Variants in MIPOL1 observed in about 807,000 individuals in gnomAD.
The protein encoded by MIPOL1 is mirror-image polydactyly gene 1 protein.
In MIPOL1, 57 loss-of-function variants were observed where a neutral mutation model predicts 60.9. The observed-to-expected ratio is 0.94, with a 90% confidence interval of 0.76 to 1.17. The LOEUF is 1.17. Ranked by LOEUF, MIPOL1 falls within the 50% of genes most tolerant of loss-of-function variation. The pLI, the probability that MIPOL1 is intolerant of heterozygous loss-of-function variation, is 0.00. For missense variants in MIPOL1, 551 were observed against 511.6 expected (o/e 1.08, Z -0.74); for synonymous variants, 179 against 168.8 (o/e 1.06, Z -0.47).
chr14:37,302,217 C>G (rs994725656), intron 7 of MIPOL1, among the ~76,000 whole-genome samples: 1 of 147,076 alleles, frequency 6.8e-6, no homozygotes, highest in African/African-American at 2.5e-5. Flanking sequence ...AATCAGAGTT[C>G]CTGTTGCTGT....
intron 1 of MIPOL1, among the ~76,000 whole-genome samples, chr14:37,223,234 T>A (rs1183595755): frequency 6.6e-6 from 1 of 152,052 alleles, no homozygotes; most frequent in Non-Finnish European, 1.5e-5. Context: ...GGTTTTACCA[T>A]GTTGGCCGGG....
chr14:37,499,889 T>C lies in MIPOL1; in HGVS notation c.1032-19T>C. ...AGTTTACATTACTTATCTTTAAATT[T>C]TTTTTAATATTTTCTCAGTTTACAC... is the stretch of plus-strand genomic sequence containing the variant. On this transcript the variant is annotated intron_variant, in intron 11 of 12. Coordinates refer to ENST00000684589, the MANE Select transcript of MIPOL1 (RefSeq NM_001388067.1). The C allele has an allele frequency of 1.5e-6, 2 of 1,378,516 alleles. No individual in the cohort carries two copies. The highest frequency in any genetic ancestry group is 2.7e-5 in the South Asian group (2 of 74,506). 85.4% of individuals were successfully genotyped at this position (1,378,516 alleles called of 1,614,324 possible).
At chr14:37,211,896 G>A (rs776354719) in intron 1 of MIPOL1, among the ~76,000 whole-genome samples, 1 of 151,852 alleles carries the variant, frequency 6.6e-6, no homozygotes, top group Non-Finnish European at 1.5e-5. Context: ...AGCAGAATAG[G>A]GCACCAGTCA....
chr14:37,369,385 T>C, intron 9 of MIPOL1, 132 bp from the exon 10 acceptor site: 1 of 447,734 alleles, frequency 2.2e-6, no homozygotes, highest in South Asian at 3.9e-5. Context: ...TACTTTTACT[T>C]ACCATTCTTG....
intron 12 of MIPOL1, among the ~76,000 whole-genome samples, chr14:37,541,253 A>G (rs2095528520): frequency 6.6e-6 from 1 of 152,134 alleles, no homozygotes; most frequent in Non-Finnish European, 1.5e-5. Context: ...AAATCAAAAT[A>G]TCCAGTCCCT....
intron 12 of MIPOL1, chr14:37,507,797 G>C (rs1199940770): frequency 6.6e-6 from 1 of 152,000 alleles, no homozygotes; most frequent in Non-Finnish European, 1.5e-5. Context: ...AAAATTCACT[G>C]TCTCTTCCTT....
chr14:37,415,877 TA>T (rs1370678616), intron 10 of MIPOL1, among the ~76,000 whole-genome samples: 1 of 152,154 alleles, frequency 6.6e-6, no homozygotes, highest in East Asian at 1.9e-4. Context: ...GCACTTAGAA[TA>T]GTGTCTGGCA....
intron 7 of MIPOL1, among the ~76,000 whole-genome samples, chr14:37,303,712 A>G (rs1297250193): frequency 6.6e-6 from 1 of 151,862 alleles, no homozygotes; most frequent in Admixed American, 6.6e-5. Context: ...TCATTCAGTA[A>G]ATATTTATTG....
At chr14:37,487,491 A>G (rs1324418953) in intron 11 of MIPOL1, among the ~76,000 whole-genome samples, 1 of 152,120 alleles carries the variant, frequency 6.6e-6, no homozygotes, top group African/African-American at 2.4e-5. Flanking sequence ...TTGGTAGGCT[A>G]TTAATTACTG....
At position 37,213,838 on chromosome 14, in the gene MIPOL1, TAACATA is replaced by T. The variant is rs980112199; in HGVS notation, c.-199+15735_-199+15740del. Among the ~76,000 whole-genome samples the T allele has an allele frequency of 1.1e-4, 16 of 152,204 alleles. 1 individual carries two copies. Among genetic ancestry groups the T allele is most frequent in the Middle Eastern group, 3.4e-3 (1 of 294 alleles). On this transcript the variant is annotated intron_variant, in intron 1 of 12. Transcript: ENST00000684589. Reference sequence around the variant, plus strand: ...CCTAAAAGTATCAAGAGAATAGAAATAACATACAATGGTGCTTCGTTGTGGCTGGCA... The same window carrying T: ...CCTAAAAGTATCAAGAGAATAGAAATCAATGGTGCTTCGTTGTGGCTGGCA...
intron 12 of MIPOL1, among the ~76,000 whole-genome samples, chr14:37,518,464 A>C (rs1314828588): frequency 6.6e-6 from 1 of 152,122 alleles, no homozygotes; most frequent in Non-Finnish European, 1.5e-5. Flanking sequence ...CTTTCTGAGT[A>C]GCTGGGATAA....
chr14:37,521,911 T>TATA (rs1555367648), intron 12 of MIPOL1, among the ~76,000 whole-genome samples: 35,460 of 117,408 alleles, frequency 0.3, 4,810 homozygotes, highest in Non-Finnish European at 0.37. Context: ...TATATATATA[T>TATA]TTTTTTTTTC....
chr14:37,268,531 C>T, intron 4 of MIPOL1, 127 bp from the exon 5 acceptor site: 1 of 678,884 alleles, frequency 1.5e-6, no homozygotes, highest in Non-Finnish European at 2.4e-6. Flanking sequence ...AAAAACAGCC[C>T]ATCTCTTTTC....
chr14:37,451,197 T>C (rs2094411819), intron 11 of MIPOL1, among the ~76,000 whole-genome samples: 1 of 152,202 alleles, frequency 6.6e-6, no homozygotes, highest in East Asian at 1.9e-4. Flanking sequence ...TTAGCTACTT[T>C]GTACAAGTTA....
chr14:37,294,885 A>T (rs994547091), intron 7 of MIPOL1, among the ~76,000 whole-genome samples: 1 of 152,168 alleles, frequency 6.6e-6, no homozygotes, highest in Admixed American at 6.5e-5. Context: ...ACTCTGCAGG[A>T]TATCATCCAG....
Position 37,268,000 on chromosome 14 carries a change from A to T in MIPOL1, c.252-658A>T, listed in dbSNP as rs116291469. ...GCTCATGAAAGGATTTGAATTTGTGATACCTGATACTTCTACCCATGAGAT... is the reference window on the plus strand; with the variant it reads ...GCTCATGAAAGGATTTGAATTTGTGTTACCTGATACTTCTACCCATGAGAT... On this transcript the variant is annotated intron_variant, in intron 4 of 12. Transcript: ENST00000684589. Among the ~76,000 whole-genome samples the T allele has an allele frequency of 5.9e-3, 895 of 152,252 alleles. 13 individuals carry two copies. The highest frequency in any genetic ancestry group is 0.02 in the African/African-American group (828 of 41,544).
At chr14:37,458,847 CAATAAATAAATAAATA>C (rs56046205) in intron 11 of MIPOL1, among the ~76,000 whole-genome samples, 10 of 145,068 alleles carry the variant, frequency 6.9e-5, no homozygotes, top group Middle Eastern at 3.5e-3. Flanking sequence ...GAGAGACTGT[CAATAAATAAATAAATA>C]AATAAATAAA....
chr14:37,327,139 G>A (rs1037350287), intron 9 of MIPOL1, among the ~76,000 whole-genome samples: 17 of 152,170 alleles, frequency 1.1e-4, no homozygotes, highest in African/African-American at 4.1e-4. Flanking sequence ...CTTATTGGAT[G>A]TACTTTATTT....
rs114644220 is a variant in MIPOL1, at chr14:37,225,611, G to A, written c.-198-21492G>A. Reference sequence around the variant, plus strand: ...CACACAGCACAGGACCCCTGTGGCTGACCCACTTTTTCCTCATAGGCCTCC... The same window carrying A: ...CACACAGCACAGGACCCCTGTGGCTAACCCACTTTTTCCTCATAGGCCTCC... On this transcript the variant is annotated intron_variant, in intron 1 of 12. Coordinates refer to ENST00000684589, the MANE Select transcript of MIPOL1 (RefSeq NM_001388067.1). 9.2e-3 allele frequency among the ~76,000 whole-genome samples: 1,397 copies of A among 151,962 alleles called. 22 individuals carry two copies. Among genetic ancestry groups the A allele is most frequent in the African/African-American group, 0.033 (1,365 of 41,524 alleles).
Sources: gnomAD v4.1 joint callset for allele counts (sites outside exome capture counted in the v4.1 genomes callset) on GRCh38, gnomAD v4.1.1 for gene constraint, MANE v1.5 for transcripts, NCBI Gene and HGNC (gene_info 2026-07-23, HGNC 2026-07-21) for gene names.